Variants in RANBP2 observed in about 807,000 individuals in gnomAD.
The protein encoded by RANBP2 is E3 SUMO-protein ligase RanBP2.
RANBP2 carries 57 observed loss-of-function variants against 303.6 expected under a neutral mutation model. The observed-to-expected ratio is 0.19, with a 90% CI of 0.15 to 0.23. The LOEUF (loss-of-function observed/expected upper bound fraction) is 0.23. RANBP2 is among the 10% of genes least tolerant of loss of function. The pLI is 1.00. For synonymous variants in RANBP2, 1,167 were observed against 1,301.5 expected, an observed-to-expected ratio of 0.90 and a Z score of 2.23; for missense variants, 3,138 against 3,780.8, an observed-to-expected ratio of 0.83 and a Z score of 4.46.
At chr2:108,726,119 T>A (rs568621884) in intron 1 of RANBP2, among the ~76,000 whole-genome samples, 1 of 152,322 alleles carries the variant, frequency 6.6e-6, no homozygotes, top group Admixed American at 6.5e-5. Flanking sequence ...ATTATATAAA[T>A]AAACATTTCA....
At chr2:109,163,716 T>C in the RANBP2 span, among the ~76,000 whole-genome samples, 1 of 152,148 alleles carries the variant, frequency 6.6e-6, no homozygotes, top group East Asian at 1.9e-4. Flanking sequence ...TTCTTAAGCT[T>C]GGAGACTTCA....
chr2:109,423,354 C>A, the RANBP2 span, among the ~76,000 whole-genome samples: 3 of 152,136 alleles, frequency 2.0e-5, no homozygotes, highest in Admixed American at 1.3e-4. Flanking sequence ...ACCTCGCAGA[C>A]CTTGCTGTGA....
At chr2:109,522,418 C>G in the RANBP2 span, among the ~76,000 whole-genome samples, 2 of 152,030 alleles carry the variant, frequency 1.3e-5, no homozygotes, top group African/African-American at 4.8e-5. Context: ...CAGCCCCACC[C>G]CCCAAGTATC....
the RANBP2 span, among the ~76,000 whole-genome samples, chr2:109,553,582 G>C: frequency 1.3e-5 from 2 of 148,926 alleles, no homozygotes; most frequent in Admixed American, 1.3e-4. Flanking sequence ...GCCTGGCCTG[G>C]TGGCTCACGC....
chr2:109,520,867 C>G, the RANBP2 span, among the ~76,000 whole-genome samples: 1 of 98,032 alleles, frequency 1.0e-5, no homozygotes, highest in Non-Finnish European at 2.5e-5. Context: ...GGAAGGCGGA[C>G]GTCACAGTGA....
At chr2:109,511,460 G>A in the RANBP2 span, among the ~76,000 whole-genome samples, 1 of 152,338 alleles carries the variant, frequency 6.6e-6, no homozygotes, top group East Asian at 1.9e-4. Flanking sequence ...CCTACAGGCT[G>A]GCAATTGGTG....
chr2:108,911,216 G>T, the RANBP2 span: 1 of 1,037,130 alleles, frequency 9.6e-7, no homozygotes. Flanking sequence ...TGCTTAGACT[G>T]AGAACCAAAT....
chr2:109,078,189 ATATATAGCG>A, the RANBP2 span, among the ~76,000 whole-genome samples: 2 of 66,758 alleles, frequency 3.0e-5, no homozygotes, highest in Non-Finnish European at 6.6e-5. Context: ...TATAGCATAT[ATATATAGCG>A]TATATATATA....
At chr2:109,243,707 G>A in the RANBP2 span, among the ~76,000 whole-genome samples, 4 of 152,218 alleles carry the variant, frequency 2.6e-5, no homozygotes, top group Non-Finnish European at 5.9e-5. Flanking sequence ...GGTACAGGGA[G>A]ACTAAGGAGA....
the RANBP2 span, chr2:109,544,536 A>G: frequency 1.0e-6 from 1 of 983,802 alleles, no homozygotes; most frequent in Non-Finnish European, 1.2e-6. Flanking sequence ...TTTGCAAACA[A>G]CAGCAGGGTT....
At chr2:109,111,887 T>C in the RANBP2 span, among the ~76,000 whole-genome samples, 4 of 151,200 alleles carry the variant, frequency 2.6e-5, no homozygotes, top group Non-Finnish European at 5.9e-5. Flanking sequence ...GCGGTGTTTG[T>C]TTTTTTGTCC....
chr2:108,941,069 T>C, the RANBP2 span, among the ~76,000 whole-genome samples: 1 of 152,150 alleles, frequency 6.6e-6, no homozygotes, highest in African/African-American at 2.4e-5. Flanking sequence ...TAAACCGATT[T>C]TGCCTGTTCT....
At chr2:109,111,537 T>C in the RANBP2 span, among the ~76,000 whole-genome samples, 2 of 152,036 alleles carry the variant, frequency 1.3e-5, no homozygotes, top group African/African-American at 4.8e-5. Flanking sequence ...TCAGCAGAAG[T>C]CCATCTCTAC....
chr2:109,163,161 G>C, the RANBP2 span, among the ~76,000 whole-genome samples: 8 of 152,200 alleles, frequency 5.3e-5, no homozygotes, highest in Non-Finnish European at 1.2e-4. Flanking sequence ...CACAGAGTCT[G>C]AGAACTGAGC....
chr2:109,116,448 C>T, the RANBP2 span, among the ~76,000 whole-genome samples: 4 of 152,222 alleles, frequency 2.6e-5, no homozygotes, highest in African/African-American at 9.6e-5. Context: ...CTGCATTCTT[C>T]ACGTAGTTCT....
At chr2:108,867,211 A>G in the RANBP2 span, among the ~76,000 whole-genome samples, 10,574 of 152,224 alleles carry the variant, frequency 0.069, 469 homozygotes, top group South Asian at 0.15. Flanking sequence ...CAGGGCAGTG[A>G]TAAGAGGAAT....
the RANBP2 span, among the ~76,000 whole-genome samples, chr2:109,137,730 A>G: frequency 6.6e-6 from 1 of 152,218 alleles, no homozygotes; most frequent in South Asian, 2.1e-4. Flanking sequence ...AGGTTAACTA[A>G]TCTCATTAGA....
At chr2:109,591,577 C>A in the RANBP2 span, among the ~76,000 whole-genome samples, 1 of 152,254 alleles carries the variant, frequency 6.6e-6, no homozygotes, top group East Asian at 1.9e-4. Context: ...TATTGGAGCA[C>A]AGAACTAAAG....
the RANBP2 span, among the ~76,000 whole-genome samples, chr2:109,085,774 T>A: frequency 7.4e-3 from 1,133 of 152,104 alleles, 15 homozygotes; most frequent in African/African-American, 0.026. Context: ...CTAATTTTTT[T>A]ATTTTTTTTT....
Sources: gnomAD v4.1 joint callset for allele counts (sites outside exome capture counted in the v4.1 genomes callset) on GRCh38, gnomAD v4.1.1 for gene constraint, MANE v1.5 for transcripts, NCBI Gene and HGNC (gene_info 2026-07-23, HGNC 2026-07-21) for gene names.